Variants in F13A1 observed in about 807,000 individuals in gnomAD.
F13A1 encodes the protein coagulation factor XIII A chain.
Under a neutral mutation model 80.1 loss-of-function variants are expected in F13A1, and 47 were observed. The observed-to-expected ratio is 0.59, with a 90% CI of 0.46 to 0.75. The LOEUF is 0.75. Ranked by LOEUF, F13A1 falls within the 30% of genes least tolerant of loss-of-function variation. The probability of loss-of-function intolerance (pLI) is 0.00; values close to 1 mark genes in which losing one functional copy is unlikely to be tolerated. For synonymous variants in F13A1, 349 were observed against 344.9 expected (o/e 1.01, Z -0.13); for missense variants, 817 against 930.4 (o/e 0.88, Z 1.59).
intron 13 of F13A1, among the ~76,000 whole-genome samples, chr6:6,158,905 C>A (rs200390525): frequency 1.0e-5 from 1 of 95,932 alleles, no homozygotes; most frequent in Non-Finnish European, 2.1e-5. Flanking sequence ...TTTTTTCTTT[C>A]TTTTTTTTTT....
At position 6,316,517 on chromosome 6, in the gene F13A1, A is replaced by T. The variant is rs1758688494; in HGVS notation, c.130+2018T>A. 5.3e-5 allele frequency among the ~76,000 whole-genome samples: 8 copies of T among 152,148 alleles called. No individual in the cohort carries two copies. The South Asian group carries it at 1.7e-3, about 32-fold the overall frequency. ...CTCCCCACCTGTGCCTCCAGAAATCAACAAAAGCAGTAATCCCAGATTTTA... is the reference window on the plus strand; with the variant it reads ...CTCCCCACCTGTGCCTCCAGAAATCTACAAAAGCAGTAATCCCAGATTTTA... On this transcript the variant is annotated intron_variant, in intron 2 of 14. Transcript: ENST00000264870.
intron 11 of F13A1, among the ~76,000 whole-genome samples, chr6:6,180,751 C>A (rs1215884872): frequency 6.6e-6 from 1 of 152,100 alleles, no homozygotes; most frequent in Non-Finnish European, 1.5e-5. Context: ...GTTCAGATAA[C>A]AAAAATTCTG....
rs1187006216 is a variant in F13A1 at position 6,168,721 on chromosome 6, G to C, written c.1748-1103C>G. On this transcript the variant is annotated intron_variant, in intron 12 of 14. Coordinates refer to ENST00000264870, the MANE Select transcript of F13A1 (RefSeq NM_000129.4). ...CTTCATGGCCAACAGTTTGAGCACA[G>C]AGGGTAATTCATTTTAGCCTGCTGT... Among the ~76,000 whole-genome samples, 4 of 152,372 alleles carry C rather than the reference G, an allele frequency of 2.6e-5. No homozygotes were observed. The East Asian group carries it at 7.7e-4, about 29-fold the overall frequency.
At chr6:6,211,403 T>C (rs1016782277) in intron 8 of F13A1, among the ~76,000 whole-genome samples, 3 of 152,242 alleles carry the variant, frequency 2.0e-5, no homozygotes, top group Admixed American at 6.5e-5. Flanking sequence ...AAGAAAATGT[T>C]TGAAAATAAG....
intron 13 of F13A1, among the ~76,000 whole-genome samples, chr6:6,157,124 A>C (rs563120171): frequency 2.3e-3 from 358 of 152,352 alleles, no homozygotes; most frequent in Non-Finnish European, 4.1e-3. Flanking sequence ...CTGGTTAATG[A>C]CAACAATAAT....
chr6:6,312,457 G>A (rs78304315), intron 2 of F13A1, among the ~76,000 whole-genome samples: 55,166 of 85,382 alleles, frequency 0.65, 19,199 homozygotes, highest in East Asian at 0.82. Flanking sequence ...GGATCACGAG[G>A]TCAAGAGATG....
At chr6:6,307,311 T>TTG (rs200071452) in intron 2 of F13A1, among the ~76,000 whole-genome samples, 2,729 of 152,280 alleles carry the variant, frequency 0.018, 40 homozygotes, top group South Asian at 0.054. Flanking sequence ...CAGAACCCTG[T>TTG]TGTATACATG....
chr6:6,152,084 T>G (rs1182273631), intron 13 of F13A1, 135 bp from the exon 14 acceptor site: 2 of 1,007,746 alleles, frequency 2.0e-6, no homozygotes, highest in African/African-American at 1.6e-5. Flanking sequence ...GTGATGAGGA[T>G]AGCTGATTGC....
At chr6:6,270,451 T>C (rs1425026205) in intron 3 of F13A1, among the ~76,000 whole-genome samples, 1 of 152,232 alleles carries the variant, frequency 6.6e-6, no homozygotes, top group African/African-American at 2.4e-5. Context: ...TTATGATTCA[T>C]GGCTAAAATA....
At chr6:6,207,961 A>G (rs1761524404) in intron 8 of F13A1, among the ~76,000 whole-genome samples, 1 of 152,238 alleles carries the variant, frequency 6.6e-6, no homozygotes, top group Admixed American at 6.5e-5. Context: ...GAATTGCCAC[A>G]TTATATTATT....
intron 3 of F13A1, among the ~76,000 whole-genome samples, chr6:6,293,249 A>G (rs534181153): frequency 7.9e-5 from 12 of 152,098 alleles, no homozygotes; most frequent in Admixed American, 1.3e-4. Flanking sequence ...TGAGGGGGAG[A>G]CCTGGTAAGA....
intron 8 of F13A1, among the ~76,000 whole-genome samples, chr6:6,219,622 C>T (rs1157074280): frequency 6.6e-6 from 1 of 152,184 alleles, no homozygotes; most frequent in Non-Finnish European, 1.5e-5. Context: ...GGTGATCATG[C>T]ACTGGCTGAT....
chr6:6,271,041 G>C (rs1757913214), intron 3 of F13A1, among the ~76,000 whole-genome samples: 1 of 150,428 alleles, frequency 6.6e-6, no homozygotes, highest in Non-Finnish European at 1.5e-5. Context: ...ATGCCACGTG[G>C]CCCGGGAACA....
chr6:6,302,784 T>TCTCA (rs1013327762), intron 3 of F13A1, among the ~76,000 whole-genome samples: 27 of 152,320 alleles, frequency 1.8e-4, no homozygotes, highest in African/African-American at 5.8e-4. Flanking sequence ...TCCATCAGAA[T>TCTCA]CTCATAAGAT....
chr6:6,217,683 AAAAT>A (rs940669849), intron 8 of F13A1, among the ~76,000 whole-genome samples: 39 of 152,188 alleles, frequency 2.6e-4, no homozygotes, highest in African/African-American at 7.9e-4. Context: ...TATAATAATA[AAAAT>A]AAATAAAAAT....
At chr6:6,221,635 G>A (rs1454075968) in intron 8 of F13A1, among the ~76,000 whole-genome samples, 2 of 152,096 alleles carry the variant, frequency 1.3e-5, no homozygotes, top group Non-Finnish European at 1.5e-5. Context: ...CACCAAGACC[G>A]ATGCATAGTA....
At chr6:6,222,261 C>T in intron 7 of F13A1, 90 bp from the exon 8 acceptor site, 2 of 1,546,202 alleles carry the variant, frequency 1.3e-6, no homozygotes, top group Non-Finnish European at 1.8e-6. Context: ...GACTTTCTTC[C>T]TGACCCAACA....
At chr6:6,253,544 C>T (rs948127450) in intron 4 of F13A1, among the ~76,000 whole-genome samples, 4 of 152,158 alleles carry the variant, frequency 2.6e-5, no homozygotes, top group East Asian at 3.8e-4. Context: ...CAGGGAGAGA[C>T]GGATCCTCTC....
In F13A1 at chr6:6,222,015, A is replaced by G. The variant is rs1347764978; in HGVS notation, c.1112+18T>C. 1 of 1,612,916 alleles carries G rather than the reference A, an allele frequency of 6.2e-7. No individual in the cohort carries two copies. Among genetic ancestry groups the G allele is most frequent in the Non-Finnish European group, 8.5e-7 (1 of 1,179,440 alleles). On this transcript the variant is annotated intron_variant, in intron 8 of 14. Coordinates refer to ENST00000264870, the MANE Select transcript of F13A1 (RefSeq NM_000129.4). ...CTATAATGTGACATCAGCCAATGCC[A>G]TTGTCAATCAAACTCACCACACTGA...
Sources: allele counts gnomAD v4.1 joint callset (sites outside exome capture counted in the v4.1 genomes callset), GRCh38; gene constraint gnomAD v4.1.1; transcripts MANE v1.5; gene names NCBI Gene and HGNC (gene_info 2026-07-23, HGNC 2026-07-21).